The following CACNA2D3 variants were observed in gnomAD, a reference collection of about 807,000 sequenced individuals.
CACNA2D3 encodes calcium voltage-gated channel auxiliary subunit alpha2delta 3.
CACNA2D3 carries 60 observed loss-of-function variants against 160.6 expected under a neutral mutation model. The observed-to-expected ratio is 0.37, with a 90% CI of 0.30 to 0.46. The LOEUF is 0.46. Ranked by LOEUF, CACNA2D3 falls within the 20% of genes least tolerant of loss-of-function variation. CACNA2D3 has a pLI of 1.00. For synonymous variants in CACNA2D3, 558 were observed against 492.9 expected, an observed-to-expected ratio of 1.13 and a Z score of -1.75; for missense variants, 1,205 against 1,365.0, an observed-to-expected ratio of 0.88 and a Z score of 1.85.
At chr3:54,417,795 T>TGGGGG (rs71616810) in intron 4 of CACNA2D3, among the ~76,000 whole-genome samples, 1 of 68,064 alleles carries the variant, frequency 1.5e-5, no homozygotes, top group Non-Finnish European at 3.3e-5. Flanking sequence ...TCTGTGTGTG[T>TGGGGG]GGGGGGGGGG....
intron 2 of CACNA2D3, among the ~76,000 whole-genome samples, chr3:54,194,453 G>C (rs1701037479): frequency 6.6e-6 from 1 of 152,146 alleles, no homozygotes; most frequent in South Asian, 2.1e-4. Flanking sequence ...ACCAGCCCCA[G>C]TTCTCCCTCT....
intron 11 of CACNA2D3, among the ~76,000 whole-genome samples, chr3:54,672,918 C>T (rs532429389): frequency 8.5e-5 from 13 of 152,284 alleles, no homozygotes; most frequent in South Asian, 2.1e-4. Context: ...ATGATAATGA[C>T]GATGACATTG....
intron 4 of CACNA2D3, among the ~76,000 whole-genome samples, chr3:54,459,042 G>A (rs1370439746): frequency 6.6e-5 from 10 of 151,938 alleles, no homozygotes; most frequent in Admixed American, 6.6e-4. Flanking sequence ...TCGTCCTTGC[G>A]ATAGTTTACT....
intron 11 of CACNA2D3, among the ~76,000 whole-genome samples, chr3:54,675,781 G>T (rs566724298): frequency 1.3e-5 from 2 of 152,160 alleles, no homozygotes; most frequent in Non-Finnish European, 2.9e-5. Flanking sequence ...GCACCCCTCT[G>T]AAGAGTGACG....
intron 4 of CACNA2D3, among the ~76,000 whole-genome samples, chr3:54,399,965 A>G (rs1247133541): frequency 8.5e-6 from 1 of 117,420 alleles, no homozygotes; most frequent in African/African-American, 3.4e-5. Flanking sequence ...CCGTGGGCGT[A>G]GGACCCTCTG....
At position 54,822,820 on chromosome 3, in the gene CACNA2D3, TTTCTTTCTTTCTTTTCTTTCTTTC is replaced by T. The variant is rs1559595785; in HGVS notation, c.1398+5953_1398+5976del. Among the ~76,000 whole-genome samples the T allele has an allele frequency of 3.2e-3, 357 of 112,074 alleles. 11 individuals carry two copies. The highest frequency in any genetic ancestry group is 0.014 in the African/African-American group (333 of 23,584). 73.5% of individuals were successfully genotyped at this position (112,074 alleles called of 152,430 possible). On this transcript the variant is annotated intron_variant, in intron 14 of 37. Transcript: ENST00000474759. Reference sequence around the variant, plus strand: ...CTTTCTTTCTTTCTTTCTTTCTTTCTTTCTTTCTTTCTTTTCTTTCTTTCTTTCTTTCTTTCTTTCTTTTTAAAT... The same window carrying T: ...CTTTCTTTCTTTCTTTCTTTCTTTCTTTTCTTTCTTTCTTTCTTTTTAAAT...
chr3:54,986,453 C>T (rs1180715898), intron 30 of CACNA2D3, among the ~76,000 whole-genome samples: 1 of 152,136 alleles, frequency 6.6e-6, no homozygotes, highest in Non-Finnish European at 1.5e-5. Context: ...CCTTCTTGCT[C>T]CTAGCAGTAG....
chr3:54,146,225 T>C (rs1218574681), intron 2 of CACNA2D3, among the ~76,000 whole-genome samples: 1 of 152,174 alleles, frequency 6.6e-6, no homozygotes, highest in Non-Finnish European at 1.5e-5. Context: ...CCTGGGACTT[T>C]CTTGAAGGCG....
intron 35 of CACNA2D3, among the ~76,000 whole-genome samples, chr3:55,071,831 ATCT>A (rs1478894304): frequency 6.6e-6 from 1 of 152,162 alleles, no homozygotes; most frequent in Non-Finnish European, 1.5e-5. Context: ...ACTTGGCTTA[ATCT>A]TCTAGTCAGC....
intron 11 of CACNA2D3, among the ~76,000 whole-genome samples, chr3:54,676,888 G>A (rs549686490): frequency 6.6e-6 from 1 of 152,296 alleles, no homozygotes; most frequent in Admixed American, 6.5e-5. Flanking sequence ...CAAAACAACT[G>A]AGGTAAAATA....
chr3:54,713,564 T>C (rs1700994233), intron 11 of CACNA2D3, among the ~76,000 whole-genome samples: 1 of 152,246 alleles, frequency 6.6e-6, no homozygotes, highest in South Asian at 2.1e-4. Flanking sequence ...ATTATCTGGA[T>C]GACCTCAAGC....
chr3:54,723,993 A>G (rs1701227551), intron 11 of CACNA2D3, among the ~76,000 whole-genome samples: 1 of 152,250 alleles, frequency 6.6e-6, no homozygotes, highest in Admixed American at 6.5e-5. Flanking sequence ...TAAAGAGTCA[A>G]GACCCATCAG....
rs563496391 is a variant in CACNA2D3, at chr3:54,501,246, A to G, written c.382-2246A>G. 2.8e-4 allele frequency among the ~76,000 whole-genome samples: 43 copies of G among 152,248 alleles called. 1 individual carries two copies. The South Asian group carries it at 8.9e-3, about 32-fold the overall frequency. On this transcript the variant is annotated intron_variant, in intron 4 of 37. Coordinates refer to ENST00000474759, the MANE Select transcript of CACNA2D3 (RefSeq NM_018398.3). ...CAAATCATAGCACAGAGTATTCCAC[A>G]TTCCTCCCTCCGGTTTCTTATAACA... is the stretch of plus-strand genomic sequence containing the variant.
intron 9 of CACNA2D3, among the ~76,000 whole-genome samples, chr3:54,589,108 C>T (rs905976468): frequency 2.0e-5 from 3 of 151,696 alleles, no homozygotes; most frequent in Non-Finnish European, 4.4e-5. Context: ...ATCAATCTAC[C>T]CAATGTTAAG....
intron 4 of CACNA2D3, among the ~76,000 whole-genome samples, chr3:54,487,973 G>A (rs1024908148): frequency 6.6e-6 from 1 of 152,170 alleles, no homozygotes; most frequent in Non-Finnish European, 1.5e-5. Flanking sequence ...GTACAGGAGG[G>A]TGTTTTCAGG....
rs1256682522 is a variant in CACNA2D3, at chr3:54,335,919, G to C, written c.321+15361G>C. ...CTCAGGAGGCTGAGGCAGGGGAATC[G>C]CTTGAACCTGGGAGGCGGAGTTTGC... is the stretch of plus-strand genomic sequence containing the variant. On this transcript the variant is annotated intron_variant, in intron 3 of 37. Coordinates refer to ENST00000474759, the MANE Select transcript of CACNA2D3 (RefSeq NM_018398.3). Among the ~76,000 whole-genome samples the C allele has an allele frequency of 3.4e-5, 5 of 145,948 alleles. No homozygotes were observed. The East Asian group carries it at 1.0e-3, about 29-fold the overall frequency.
intron 17 of CACNA2D3, among the ~76,000 whole-genome samples, chr3:54,859,325 T>C (rs993275819): frequency 6.6e-6 from 1 of 152,230 alleles, no homozygotes; most frequent in African/African-American, 2.4e-5. Flanking sequence ...AGGAATGTGC[T>C]CCAACCGTGA....
chr3:55,003,820 A>G (rs1559460793), intron 31 of CACNA2D3, among the ~76,000 whole-genome samples: 2 of 152,192 alleles, frequency 1.3e-5, no homozygotes. Context: ...ATGTCAGGAA[A>G]GGCAATTGTA....
chr3:54,972,468 A>T (rs1308152973), intron 29 of CACNA2D3, among the ~76,000 whole-genome samples: 1 of 152,176 alleles, frequency 6.6e-6, no homozygotes, highest in African/African-American at 2.4e-5. Context: ...TTAATTAGGC[A>T]TATGAGACCA....
Sources: allele counts gnomAD v4.1 joint callset (sites outside exome capture counted in the v4.1 genomes callset), GRCh38; gene constraint gnomAD v4.1.1; transcripts MANE v1.5; gene names NCBI Gene and HGNC (gene_info 2026-07-23, HGNC 2026-07-21).